Variants in CLCN6 observed in about 807,000 individuals in gnomAD.
CLCN6 encodes the protein Cl-/H+ antiporter 6, also known as H(+)/Cl(-) exchange transporter 6.
CLCN6 carries 70 observed loss-of-function variants against 109.8 expected under a neutral mutation model. That is an observed-to-expected ratio of 0.64 (90% CI 0.53 to 0.78). The LOEUF is 0.78. CLCN6 is among the 30% of genes least tolerant of loss of function. The probability of loss-of-function intolerance (pLI) is 0.00; values close to 1 mark genes in which losing one functional copy is unlikely to be tolerated. For synonymous variants in CLCN6, 444 were observed against 447.8 expected (o/e 0.99, Z 0.11); for missense variants, 984 against 1,142.3 (o/e 0.86, Z 2.00).
chr1:11,806,952 G>A (rs1644522216), intron 1 of CLCN6, 179 bp from the exon 2 acceptor site: 10 of 602,906 alleles, frequency 1.7e-5, no homozygotes, highest in Non-Finnish European at 2.4e-5. Context: ...CTCAGCTGAT[G>A]GCTGTAGATC....
At position 11,811,428 on chromosome 1, in the gene CLCN6, G is replaced by T. The variant is rs191865635; in HGVS notation, c.147+4238G>T. Among the ~76,000 whole-genome samples, 145 of 151,210 alleles carry T rather than the reference G, an allele frequency of 9.6e-4. 1 individual carries two copies. The highest frequency in any genetic ancestry group is 7.6e-3 in the Admixed American group (115 of 15,200). ...ACGGAGTTTCGCTCTTGTTGCCCAG[G>T]CAAGAGTGCAATGTTGTGATCTCAG... On this transcript the variant is annotated intron_variant, in intron 2 of 22. Transcript: ENST00000346436.
intron 2 of CLCN6, among the ~76,000 whole-genome samples, chr1:11,812,973 G>T (rs1005228774): frequency 1.3e-5 from 2 of 152,064 alleles, no homozygotes. Flanking sequence ...TGGACAAACT[G>T]TCCCAACCGT....
Position 11,834,058 on chromosome 1 carries a change from G to T in CLCN6, c.1526+28G>T. On this transcript the variant is annotated intron_variant, in intron 15 of 22. Transcript: ENST00000346436. This position sits in a 1 kb window ranked among gnomAD's most constrained non-coding sequence, Gnocchi z 4.5. ...ACTCTGTGTGTGTGCGTGTGTGTGC[G>T]CATGTGCATGTGTGTGCACGTGTGC... The T allele has an allele frequency of 1.9e-6, 3 of 1,609,536 alleles. No individual in the cohort carries two copies. Among genetic ancestry groups the T allele is most frequent in the Admixed American group, 1.7e-5 (1 of 59,020 alleles).
chr1:11,837,890 C>T (rs927019154), intron 20 of CLCN6, among the ~76,000 whole-genome samples: 2 of 152,124 alleles, frequency 1.3e-5, no homozygotes, highest in African/African-American at 2.4e-5. Context: ...CGCTTGTCAC[C>T]GGATTTGGGG....
At chr1:11,807,005 G>A in intron 1 of CLCN6, 126 bp from the exon 2 acceptor site, 4 of 817,450 alleles carry the variant, frequency 4.9e-6, no homozygotes, top group Non-Finnish European at 6.0e-6. Flanking sequence ...TTTTTTTGAG[G>A]GCTGGTTCCT....
chr1:11,818,283 A>G (rs1644699566), intron 4 of CLCN6, among the ~76,000 whole-genome samples: 1 of 152,116 alleles, frequency 6.6e-6, no homozygotes, highest in Non-Finnish European at 1.5e-5. Flanking sequence ...AGTGTTCCTT[A>G]TCAGAAAATC....
intron 18 of CLCN6, among the ~76,000 whole-genome samples, chr1:11,836,449 T>G (rs1644951281): frequency 6.6e-6 from 1 of 152,152 alleles, no homozygotes; most frequent in South Asian, 2.1e-4. Context: ...GTTCTAGAGA[T>G]GCCAGCAACA....
chr1:11,836,014 C>T lies in CLCN6; in HGVS notation c.1841C>T (p.Pro614Leu), dbSNP rs1468410072. 2.5e-6 allele frequency: 4 copies of T among 1,613,948 alleles called. No homozygotes were observed. The highest frequency in any genetic ancestry group is 3.4e-6 in the Non-Finnish European group (4 of 1,179,960). Residue 614 changes from proline to leucine, a missense_variant, in exon 18 of 23, where the codon CCG becomes CTG. Pro to Leu is a moderately conservative substitution (Grantham distance 98, BLOSUM62 -3). Coordinates refer to ENST00000346436, the MANE Select transcript of CLCN6 (RefSeq NM_001286.5). ...GAGCCCAACCTGACCTACGTCTACC[C>T]GCACACCCGCATCCAGTCTCTGGTG... ...IMEPNLTYVY[P>L]HTRIQSLVSI...
chr1:11,808,432 A>G (rs1032848592), intron 2 of CLCN6, among the ~76,000 whole-genome samples: 1 of 152,096 alleles, frequency 6.6e-6, no homozygotes, highest in African/African-American at 2.4e-5. Context: ...TCTGTACATC[A>G]TATTATTTCA....
At chr1:11,831,811 G>A (rs1049571719) in intron 13 of CLCN6, among the ~76,000 whole-genome samples, 1 of 152,086 alleles carries the variant, frequency 6.6e-6, no homozygotes, top group Non-Finnish European at 1.5e-5. Flanking sequence ...AGCCTCCCAA[G>A]TAGCTGGGAC....
At chr1:11,824,449 C>T (rs761403516) in intron 7 of CLCN6, 37 bp from the exon 8 acceptor site, 11 of 1,579,920 alleles carry the variant, frequency 7.0e-6, no homozygotes, top group East Asian at 2.2e-5. Flanking sequence ...GGCGTTTCTG[C>T]ACTGACTGTT....
chr1:11,833,788 A>G (rs1644909106), intron 14 of CLCN6, 89 bp from the exon 15 acceptor site: 1 of 1,557,662 alleles, frequency 6.4e-7, no homozygotes, highest in South Asian at 1.2e-5. Flanking sequence ...TGGAAGGGGA[A>G]CTGGTATGGG....
intron 3 of CLCN6, 22 bp downstream of exon 3, chr1:11,815,933 C>T: frequency 1.3e-6 from 2 of 1,567,618 alleles, no homozygotes; most frequent in Non-Finnish European, 1.8e-6. Context: ...AATTCTTCAT[C>T]TCTGGGGATC....
chr1:11,818,540 A>G (rs1644702525), intron 4 of CLCN6, among the ~76,000 whole-genome samples: 1 of 152,226 alleles, frequency 6.6e-6, no homozygotes, highest in Non-Finnish European at 1.5e-5. Flanking sequence ...ACCTGCCTTT[A>G]TGACATAGCA....
In CLCN6 at chr1:11,816,626, A is replaced by G. The variant is rs1230299348; in HGVS notation, c.225A>G (p.Arg75=). The G allele has an allele frequency of 1.9e-6, 3 of 1,613,102 alleles. No individual in the cohort carries two copies. The highest frequency in any genetic ancestry group is 2.2e-5 in the South Asian group (2 of 90,842). The change falls in exon 4 of 23, where the codon AGA becomes AGG. Residue 75 remains arginine (R), a synonymous_variant. Transcript: ENST00000346436. ...TCCTGTGTGAACAGAAAGGTCGAAG[A>G]TATGAGGCGGTGAAGTGGATGGTGG... The part of the protein sequence containing the change: ...LETMDNKKGR[R]YEAVKWMVVF...
chr1:11,832,593 C>T (rs2236797), intron 13 of CLCN6, among the ~76,000 whole-genome samples: 14,992 of 152,262 alleles, frequency 0.098, 794 homozygotes, highest in South Asian at 0.16. Flanking sequence ...TTGCCCAGCC[C>T]GTTTCACCTG....
rs766590078 is a variant in CLCN6, at chr1:11,837,466, T to G, written c.2262T>G (p.Leu754=). The change falls in exon 20 of 23, where the codon CTT becomes CTG. Residue 754 remains leucine (L), a synonymous_variant. Coordinates refer to ENST00000346436, the MANE Select transcript of CLCN6 (RefSeq NM_001286.5). The part of the protein sequence containing the change: ...LILRSQLVTL[L]VRGVCYSESQ... ...TTCGGTCGCAGCTTGTCACCCTGCT[T>G]GTCCGAGGAGTTTGTTACTCTGAAA... is the stretch of plus-strand genomic sequence containing the variant. 1.2e-6 allele frequency: 2 copies of G among 1,614,058 alleles called. No individual in the cohort carries two copies. The highest frequency in any genetic ancestry group is 1.7e-6 in the Non-Finnish European group (2 of 1,179,950).
In CLCN6 at chr1:11,806,301, G is replaced by A; in HGVS notation, c.39G>A (p.Arg13=). 2 of 1,511,858 alleles carry A rather than the reference G, an allele frequency of 1.3e-6. No individual in the cohort carries two copies. Among genetic ancestry groups the A allele is most frequent in the Non-Finnish European group, 1.8e-6 (2 of 1,141,760 alleles). The allele number at this position is 1,511,858 out of a possible 1,614,324, so 93.7% of individuals were successfully genotyped here. The change falls in exon 1 of 23, where the codon AGG becomes AGA. Residue 13 remains arginine (R), a synonymous_variant. Transcript: ENST00000346436. ...GGGGGTCTCTGTGCTGCTGCTGCAG[G>A]TGGTGCTGCTGCTGCGGTGAGCGTG... The part of the protein sequence containing the change: ...GCRGSLCCCC[R]WCCCCGERET...
In CLCN6 at chr1:11,835,961, C is replaced by T. The variant is rs1373132973; in HGVS notation, c.1794-6C>T. 1 of 1,611,624 alleles carries T rather than the reference C, an allele frequency of 6.2e-7. No individual in the cohort carries two copies. The highest frequency in any genetic ancestry group is 8.5e-7 in the Non-Finnish European group (1 of 1,178,878). On this transcript the variant is annotated splice_region_variant and splice_polypyrimidine_tract_variant and intron_variant, in intron 17 of 22. Transcript: ENST00000346436. ...TGAGGCTGGATGACTTGCCCTCCTC[C>T]CCCAGGCTGAGAGCCAGCGACATCA...
Sources: allele counts gnomAD v4.1 joint callset (sites outside exome capture counted in the v4.1 genomes callset), GRCh38; gene constraint gnomAD v4.1.1; non-coding constraint Gnocchi (gnomAD v3.1); transcripts MANE v1.5; gene names NCBI Gene and HGNC (gene_info 2026-07-23, HGNC 2026-07-21).